The following OBI1 variants were observed in gnomAD, a reference collection of about 807,000 sequenced individuals.
The protein encoded by OBI1 is ring finger protein 219.
OBI1 carries 59 observed loss-of-function variants against 62.4 expected under a neutral mutation model. The observed-to-expected ratio is 0.95, with a 90% CI of 0.77 to 1.17. The LOEUF (loss-of-function observed/expected upper bound fraction) is 1.17. Among genes scored for constraint, OBI1 ranks in the 50% most tolerant of loss-of-function variants. The pLI, the probability that OBI1 is intolerant of heterozygous loss-of-function variation, is 0.00. For missense variants in OBI1, 875 were observed against 830.9 expected, an observed-to-expected ratio of 1.05 and a Z score of -0.65; for synonymous variants, 302 against 292.8, an observed-to-expected ratio of 1.03 and a Z score of -0.32.
intron 5 of OBI1, among the ~76,000 whole-genome samples, chr13:78,622,117 A>C (rs1230604284): frequency 3.9e-5 from 6 of 152,214 alleles, no homozygotes; most frequent in Non-Finnish European, 7.3e-5. Flanking sequence ...CAAAGTTGCT[A>C]AAGGTCATCA....
Position 78,616,835 on chromosome 13 carries a change from G to A in OBI1, c.926C>T (p.Ser309Phe). The stretch of plus-strand genomic sequence containing the variant: ...GCTGGAAGGCTTCGCTAGGTGAGAA[G>A]AACTGGAGGTGGATGAGCCAGGCTG... Reference protein sequence around the residue: ...RKQPGSSTSSSSHLAKPSSSR... With the variant: ...RKQPGSSTSSFSHLAKPSSSR... The change falls in exon 6 of 6, where the codon TCT (serine) becomes TTT (phenylalanine). Residue 309 changes from serine to phenylalanine, a missense_variant. Ser to Phe is a radical substitution (Grantham distance 155). Transcript: ENST00000282003. The A allele has an allele frequency of 8.7e-6, 14 of 1,614,226 alleles. No individual in the cohort carries two copies. The highest frequency in any genetic ancestry group is 1.1e-5 in the Non-Finnish European group (13 of 1,180,042).
chr13:78,616,749 A>C lies in OBI1; in HGVS notation c.1012T>G (p.Cys338Gly). 6.2e-7 allele frequency: 1 copy of C among 1,614,184 alleles called. No individual in the cohort carries two copies. The highest frequency in any genetic ancestry group is 8.5e-7 in the Non-Finnish European group (1 of 1,180,028). The part of the protein sequence containing the change: ...QESTSKADLN[C>G]SKNKDLYQEQ... ...TGATATAGGTCTTTGTTCTTAGAAC[A>C]GTTAAGGTCTGCTTTGCTGGTACTT... Residue 338 changes from cysteine (C) to glycine (G), a missense_variant, in exon 6 of 6, where the codon TGT becomes GGT. Physicochemically the swap from Cys to Gly is radical, Grantham distance 159 (BLOSUM62 -3). Coordinates refer to ENST00000282003, the MANE Select transcript of OBI1 (RefSeq NM_024546.4).
intron 5 of OBI1, among the ~76,000 whole-genome samples, chr13:78,634,304 G>A: frequency 6.6e-6 from 1 of 151,626 alleles, no homozygotes; most frequent in East Asian, 2.0e-4. Flanking sequence ...ATTTCTTTTT[G>A]TTGTTTTTGA....
chr13:78,658,466 C>T (rs143911246), intron 1 of OBI1, among the ~76,000 whole-genome samples: 269 of 152,300 alleles, frequency 1.8e-3, no homozygotes, highest in Middle Eastern at 6.8e-3. Flanking sequence ...AAAGCCACAC[C>T]TCTTATTCTA....
intron 5 of OBI1, among the ~76,000 whole-genome samples, chr13:78,627,286 A>C (rs1593789141): frequency 7.0e-6 from 1 of 142,236 alleles, no homozygotes; most frequent in African/African-American, 2.7e-5. Flanking sequence ...CCCCCATCCC[A>C]CCTCTACCTG....
At chr13:78,652,229 G>A (rs952099571) in intron 1 of OBI1, among the ~76,000 whole-genome samples, 1 of 152,050 alleles carries the variant, frequency 6.6e-6, no homozygotes, top group Non-Finnish European at 1.5e-5. Flanking sequence ...TTTATCTTAC[G>A]AGAATAGAAA....
intron 1 of OBI1, 132 bp downstream of exon 1, chr13:78,658,917 G>GA: frequency 1.4e-6 from 1 of 710,648 alleles, no homozygotes; most frequent in Non-Finnish European, 2.4e-6. Context: ...CTCCCATCAA[G>GA]AACGCGGGTT....
chr13:78,626,994 G>T (rs1172260550), intron 5 of OBI1, among the ~76,000 whole-genome samples: 2 of 152,072 alleles, frequency 1.3e-5, no homozygotes, highest in Non-Finnish European at 2.9e-5. Flanking sequence ...TGAACCCAGG[G>T]GGCGGAGCTT....
Position 78,636,775 on chromosome 13 carries a change from T to C in OBI1, c.550-1577A>G, listed in dbSNP as rs187926209. Among the ~76,000 whole-genome samples, 56 of 152,318 alleles carry C rather than the reference T, an allele frequency of 3.7e-4. 1 individual carries two copies. The highest frequency in any genetic ancestry group is 5.1e-4 in the Non-Finnish European group (35 of 68,028). On this transcript the variant is annotated intron_variant, in intron 4 of 5. Transcript: ENST00000282003. The stretch of plus-strand genomic sequence containing the variant: ...CATATATGCAGACAATGAATTAAGC[T>C]CTCAAGCACAGCACCATAAGGGGAG...
rs146247484 is a variant in OBI1 at position 78,626,651 on chromosome 13, T to C, written c.638+8459A>G. ...GTGGAGAACCAGGGAAAATACAGTA[T>C]GATGAATGTGGGCCCAATGAGAAAT... On this transcript the variant is annotated intron_variant, in intron 5 of 5. Coordinates refer to ENST00000282003, the MANE Select transcript of OBI1 (RefSeq NM_024546.4). Among the ~76,000 whole-genome samples, 466 of 152,234 alleles carry C rather than the reference T, an allele frequency of 3.1e-3. 3 individuals are homozygous for C. The highest frequency in any genetic ancestry group is 0.01 in the Middle Eastern group (3 of 294).
chr13:78,658,059 A>G lies in OBI1; in HGVS notation c.72+990T>C, dbSNP rs181773523. Among the ~76,000 whole-genome samples, 484 of 152,316 alleles carry G rather than the reference A, an allele frequency of 3.2e-3. 4 individuals carry two copies. The highest frequency in any genetic ancestry group is 0.01 in the Middle Eastern group (3 of 294). On this transcript the variant is annotated intron_variant, in intron 1 of 5. Coordinates refer to ENST00000282003, the MANE Select transcript of OBI1 (RefSeq NM_024546.4). The stretch of plus-strand genomic sequence containing the variant: ...TCTACTTTTTGAATCCAGTAAATTC[A>G]CACAGAACTTCAAACACCCCAGGCA...
At chr13:78,649,499 G>A (rs142257036) in intron 1 of OBI1, among the ~76,000 whole-genome samples, 1 of 152,222 alleles carries the variant, frequency 6.6e-6, no homozygotes, top group Admixed American at 6.5e-5. Context: ...TTCAGCGAAT[G>A]TTGGGGATGG....
chr13:78,637,952 T>C (rs578203818), intron 4 of OBI1, among the ~76,000 whole-genome samples: 26 of 152,318 alleles, frequency 1.7e-4, no homozygotes, highest in African/African-American at 4.6e-4. Context: ...AAATACCATA[T>C]GGAGCTCATT....
At position 78,639,000 on chromosome 13, in the gene OBI1, G is replaced by C. The variant is rs776968452; in HGVS notation, c.372C>G (p.Ile124Met). The change falls in exon 4 of 6, where the codon ATC becomes ATG. Residue 124 changes from isoleucine to methionine, a missense_variant. Coordinates refer to ENST00000282003, the MANE Select transcript of OBI1 (RefSeq NM_024546.4). Reference protein sequence around the residue: ...KSKNLSLESQIKTILDPLTLV... With the variant: ...KSKNLSLESQMKTILDPLTLV... ...AGGTTAAAGGATCCAGAATAGTTTTGATCTGTGACTCCAAGCTGAGATTTT... is the reference window on the plus strand; with the variant it reads ...AGGTTAAAGGATCCAGAATAGTTTTCATCTGTGACTCCAAGCTGAGATTTT... The C allele has an allele frequency of 6.2e-7, 1 of 1,613,796 alleles. No individual in the cohort carries two copies. The highest frequency in any genetic ancestry group is 1.3e-5 in the African/African-American group (1 of 75,006).
intron 5 of OBI1, among the ~76,000 whole-genome samples, chr13:78,628,337 T>C (rs980699167): frequency 3.9e-5 from 6 of 152,232 alleles, no homozygotes; most frequent in East Asian, 3.8e-4. Context: ...ACAATCACCA[T>C]GCTCTACTGT....
At chr13:78,634,010 G>A (rs1343006037) in intron 5 of OBI1, among the ~76,000 whole-genome samples, 1 of 151,438 alleles carries the variant, frequency 6.6e-6, no homozygotes, top group Non-Finnish European at 1.5e-5. Context: ...GGAGCCTGCA[G>A]TGAGCCGAGA....
At position 78,616,133 on chromosome 13, in the gene OBI1, G is replaced by T; in HGVS notation, c.1628C>A (p.Ser543Ter). 1 of 1,614,088 alleles carries T rather than the reference G, an allele frequency of 6.2e-7. No homozygotes were observed. Among genetic ancestry groups the T allele is most frequent in the Non-Finnish European group, 8.5e-7 (1 of 1,180,016 alleles). The change falls in exon 6 of 6, where the codon TCA becomes TAA. Residue 543 changes from serine (S) to a stop codon, truncating the protein, a stop_gained. Coordinates refer to ENST00000282003, the MANE Select transcript of OBI1 (RefSeq NM_024546.4). LOFTEE classifies it high-confidence loss of function. ...GCTGTTGTCTGACTCTGACATCATT[G>T]AATCCAACTCAGAGATTTTGTCAAG... ...AYLDKISELD[S>*]MMSESDNSKS...
intron 5 of OBI1, among the ~76,000 whole-genome samples, chr13:78,622,734 T>C (rs536109678): frequency 2.0e-5 from 3 of 152,306 alleles, no homozygotes; most frequent in Non-Finnish European, 4.4e-5. Flanking sequence ...ACTTAATAAG[T>C]GAGTAGCCTT....
chr13:78,653,419 G>A (rs1042857304), intron 1 of OBI1, among the ~76,000 whole-genome samples: 2 of 152,192 alleles, frequency 1.3e-5, no homozygotes, highest in African/African-American at 4.8e-5. Flanking sequence ...TTACTAATAA[G>A]CTAGTGGGGC....
Sources: gnomAD v4.1 joint callset for allele counts (sites outside exome capture counted in the v4.1 genomes callset) on GRCh38, gnomAD v4.1.1 for gene constraint, MANE v1.5 for transcripts, NCBI Gene and HGNC (gene_info 2026-07-23, HGNC 2026-07-21) for gene names.